Variants in SGK1 observed in about 807,000 individuals in gnomAD.
The protein encoded by SGK1 is serine/threonine-protein kinase Sgk1.
A neutral mutation model predicts 64.2 loss-of-function variants in SGK1; 26 were observed. The observed-to-expected ratio is 0.40, with a 90% CI of 0.30 to 0.56. The LOEUF is 0.56. Among genes scored for constraint, SGK1 ranks in the 20% least tolerant of loss-of-function variants. The probability of loss-of-function intolerance (pLI) is 0.38; values close to 1 mark genes in which losing one functional copy is unlikely to be tolerated. For synonymous variants in SGK1, 265 were observed against 239.7 expected, an observed-to-expected ratio of 1.11 and a Z score of -0.98; for missense variants, 519 against 645.6, an observed-to-expected ratio of 0.80 and a Z score of 2.12.
intron 2 of SGK1, among the ~76,000 whole-genome samples, chr6:134,213,642 A>ATAAATAAATAAT (rs1775929684): frequency 4.5e-5 from 5 of 110,892 alleles, no homozygotes; most frequent in Non-Finnish European, 9.6e-5. Flanking sequence ...AAATAAATAA[A>ATAAATAAATAAT]TAATAAATAA....
At chr6:134,192,838 C>T (rs1357869744) in intron 3 of SGK1, among the ~76,000 whole-genome samples, 5 of 152,142 alleles carry the variant, frequency 3.3e-5, no homozygotes, top group Admixed American at 6.5e-5. Context: ...GGATTACAGG[C>T]GGGAGCCACT....
chr6:134,172,153 G>A (rs757371855), intron 10 of SGK1, 40 bp downstream of exon 10: 76 of 1,605,996 alleles, frequency 4.7e-5, no homozygotes, highest in Non-Finnish European at 6.4e-5. Flanking sequence ...TCTCTTGGAA[G>A]GCGGGGGTAA....
chr6:134,205,429 A>C (rs1465054976), intron 3 of SGK1, among the ~76,000 whole-genome samples: 2 of 139,460 alleles, frequency 1.4e-5, no homozygotes, highest in Non-Finnish European at 3.1e-5. Flanking sequence ...CTGGTCTTTG[A>C]AAAAAAAAAA....
At position 134,294,155 on chromosome 6, in the gene SGK1, C is replaced by T. The variant is rs187861151; in HGVS notation, c.69+23237G>A. Among the ~76,000 whole-genome samples the T allele has an allele frequency of 2.1e-4, 32 of 152,312 alleles. No individual in the cohort carries two copies. The East Asian group carries it at 5.6e-3, about 27-fold the overall frequency. ...GCCTCTGATCCCTTGGTCCTTCCTACTCACCTTCCTGTCTTTATTTTTCTT... is the reference window on the plus strand; with the variant it reads ...GCCTCTGATCCCTTGGTCCTTCCTATTCACCTTCCTGTCTTTATTTTTCTT... On this transcript the variant is annotated intron_variant, in intron 1 of 13. Transcript: ENST00000367858.
intron 3 of SGK1, among the ~76,000 whole-genome samples, chr6:134,206,836 C>T (rs1237430080): frequency 1.4e-5 from 2 of 146,670 alleles, no homozygotes; most frequent in East Asian, 2.0e-4. Flanking sequence ...CACCGCACTC[C>T]AGCCTGGGCG....
At chr6:134,289,542 CCAA>C (rs1307420426) in intron 1 of SGK1, among the ~76,000 whole-genome samples, 3 of 151,986 alleles carry the variant, frequency 2.0e-5, no homozygotes, top group Non-Finnish European at 4.4e-5. Context: ...CAATGTACCC[CCAA>C]CATTATCATT....
At chr6:134,292,335 G>A (rs1215461153) in intron 1 of SGK1, among the ~76,000 whole-genome samples, 2 of 152,148 alleles carry the variant, frequency 1.3e-5, no homozygotes, top group Non-Finnish European at 2.9e-5. Flanking sequence ...GCTCATGCCT[G>A]TAATCCCAAA....
At chr6:134,315,953 G>A (rs532473265) in intron 1 of SGK1, among the ~76,000 whole-genome samples, 146 of 152,322 alleles carry the variant, frequency 9.6e-4, no homozygotes, top group Middle Eastern at 3.4e-3. Flanking sequence ...TAGCTACAGA[G>A]AAAAACTAAG....
intron 1 of SGK1, among the ~76,000 whole-genome samples, chr6:134,299,116 T>C (rs764272519): frequency 5.3e-5 from 8 of 151,668 alleles, no homozygotes; most frequent in Admixed American, 3.9e-4. Flanking sequence ...CTTAATTTAA[T>C]TGCATTTAAA....
chr6:134,181,157 G>T (rs879271405), intron 3 of SGK1, among the ~76,000 whole-genome samples: 3 of 152,058 alleles, frequency 2.0e-5, no homozygotes, highest in Non-Finnish European at 4.4e-5. Context: ...ACATATTAAA[G>T]GTGTAACTGA....
At chr6:134,296,793 A>C (rs955148684) in intron 1 of SGK1, among the ~76,000 whole-genome samples, 1 of 151,642 alleles carries the variant, frequency 6.6e-6, no homozygotes, top group Non-Finnish European at 1.5e-5. Flanking sequence ...AAAAAAAAAA[A>C]AAAAACAGTT....
Position 134,317,816 on chromosome 6 carries a change from T to TG in SGK1, c.-357dup, listed in dbSNP as rs1562283506. 4.5e-6 allele frequency: 1 copy of TG among 220,120 alleles called. No homozygotes were observed. 13.6% of individuals were successfully genotyped at this position (220,120 alleles called of 1,614,324 possible). A position where few individuals can be genotyped will look rare whatever the true frequency, so the allele number is the denominator to read the frequency against. ...GTACGCCTCCCCGCCCCCAGCTACC[T>TG]GGCTGCTCTTCCGCGGCCGGCGCGG... On this transcript the variant is annotated 5_prime_UTR_variant, in exon 1 of 14. Transcript: ENST00000367858.
chr6:134,314,425 A>G (rs1415621408), intron 1 of SGK1, among the ~76,000 whole-genome samples: 1 of 152,226 alleles, frequency 6.6e-6, no homozygotes, highest in Non-Finnish European at 1.5e-5. Flanking sequence ...GAAATCAAAA[A>G]GTCTGGATTA....
At position 134,298,019 on chromosome 6, in the gene SGK1, C is replaced by T. The variant is rs1477097618; in HGVS notation, c.69+19373G>A. The stretch of plus-strand genomic sequence containing the variant: ...CAGACGTATCCGAGATCTGGGACTG[C>T]AGCTCCCGATCTCTTCATACAGCTG... On this transcript the variant is annotated intron_variant, in intron 1 of 13. Transcript: ENST00000367858. 4 of 891,360 alleles carry T rather than the reference C, an allele frequency of 4.5e-6. No homozygotes were observed. The Admixed American group carries it at 6.8e-5, about 15-fold the overall frequency. The allele number at this position is 891,360 out of a possible 1,614,324, so 55.2% of individuals were successfully genotyped here. A position where few individuals can be genotyped will look rare whatever the true frequency, so the allele number is the denominator to read the frequency against.
At chr6:134,270,705 T>A (rs1776925809) in intron 1 of SGK1, among the ~76,000 whole-genome samples, 1 of 148,018 alleles carries the variant, frequency 6.8e-6, no homozygotes, top group South Asian at 2.2e-4. Flanking sequence ...CCAGGCCTAG[T>A]CCGGAGGATG....
At chr6:134,250,025 C>T (rs1268186413) in intron 2 of SGK1, among the ~76,000 whole-genome samples, 2 of 152,184 alleles carry the variant, frequency 1.3e-5, no homozygotes, top group African/African-American at 4.8e-5. Flanking sequence ...CAAACCCAGC[C>T]AGAGATGCCA....
Position 134,317,781 on chromosome 6 carries a change from C to T in SGK1, c.-321G>A, listed in dbSNP as rs1457686355. The stretch of plus-strand genomic sequence containing the variant: ...GGGAGATGCTGTGGCTCTTACCGAG[C>T]GGGAGAAGGGTACGCCTCCCCGCCC... On this transcript the variant is annotated 5_prime_UTR_variant, in exon 1 of 14. Coordinates refer to ENST00000367858, the MANE Select transcript of SGK1 (RefSeq NM_001143676.3). 7.3e-6 allele frequency: 2 copies of T among 272,206 alleles called. No homozygotes were observed. The highest frequency in any genetic ancestry group is 1.4e-4 in the East Asian group (2 of 14,432). The allele number at this position is 272,206 out of a possible 1,614,324, so 16.9% of individuals were successfully genotyped here.
chr6:134,301,550 T>TCTCTC (rs1777456441), intron 1 of SGK1, among the ~76,000 whole-genome samples: 1 of 67,768 alleles, frequency 1.5e-5, no homozygotes, highest in African/African-American at 7.6e-5. Flanking sequence ...TCTCTTCTCT[T>TCTCTC]CTCTTCTCTT....
At chr6:134,292,125 A>G (rs1357453950) in intron 1 of SGK1, among the ~76,000 whole-genome samples, 1 of 152,140 alleles carries the variant, frequency 6.6e-6, no homozygotes, top group Non-Finnish European at 1.5e-5. Context: ...ATGGCAAGAC[A>G]ACAAATCATT....
Sources: gnomAD v4.1 joint callset for allele counts (sites outside exome capture counted in the v4.1 genomes callset) on GRCh38, gnomAD v4.1.1 for gene constraint, MANE v1.5 for transcripts, NCBI Gene and HGNC (gene_info 2026-07-23, HGNC 2026-07-21) for gene names.